The following TPM3 variants were observed in gnomAD, a reference collection of about 807,000 sequenced individuals.
The protein encoded by TPM3 is tropomyosin 3.
TPM3 carries 16 observed loss-of-function variants against 43.1 expected under a neutral mutation model. That is an observed-to-expected ratio of 0.37 (90% CI 0.25 to 0.56). TPM3 has a LOEUF of 0.56. TPM3 is among the 20% of genes least tolerant of loss of function. The pLI, the probability that TPM3 is intolerant of heterozygous loss-of-function variation, is 0.77. For missense variants in TPM3, 176 were observed against 337.2 expected (o/e 0.52, Z 3.74); for synonymous variants, 101 against 116.9 (o/e 0.86, Z 0.88).
intron 2 of TPM3, chr1:154,183,208 C>T (rs1041578154): frequency 5.1e-6 from 8 of 1,576,696 alleles, no homozygotes; most frequent in Non-Finnish European, 6.0e-6. Flanking sequence ...CCGCCTGCTA[C>T]GCCCTGAAAT....
chr1:154,182,687 C>T (rs1663093893), intron 2 of TPM3, among the ~76,000 whole-genome samples: 1 of 152,100 alleles, frequency 6.6e-6, no homozygotes, highest in South Asian at 2.1e-4. Context: ...CTCCCACGGC[C>T]GCGCCCGGAT....
chr1:154,174,640 G>A (rs1425661499), intron 3 of TPM3, among the ~76,000 whole-genome samples: 2 of 149,466 alleles, frequency 1.3e-5, no homozygotes, highest in Non-Finnish European at 3.0e-5. Context: ...GATTACAGGC[G>A]CGCCCCACCA....
chr1:154,174,909 C>T (rs1387919062), intron 3 of TPM3, among the ~76,000 whole-genome samples: 2 of 152,086 alleles, frequency 1.3e-5, no homozygotes, highest in Non-Finnish European at 2.9e-5. Flanking sequence ...TTCTGAAAAC[C>T]CTTAGTTGTC....
At chr1:154,172,102 C>T (rs1490479522) in intron 5 of TPM3, 14 of 1,613,896 alleles carry the variant, frequency 8.7e-6, no homozygotes, top group Admixed American at 5.0e-5. Context: ...CTCTCGGCAA[C>T]GGCTGTTAGT....
At chr1:154,185,532 A>G (rs1210886195) in intron 2 of TPM3, among the ~76,000 whole-genome samples, 7 of 150,778 alleles carry the variant, frequency 4.6e-5, no homozygotes, top group Non-Finnish European at 8.8e-5. Flanking sequence ...AAACCACAAA[A>G]ACAAGCAAAC....
Position 154,164,180 on chromosome 1 carries a change from T to G in TPM3, c.*3757A>C, listed in dbSNP as rs544052262. ...CCCCACCACTTTCCTACTCTTTTTT[T>G]GGGGGGGGTCTCATTCTGCCACCCA... On this transcript the variant is annotated 3_prime_UTR_variant, in exon 10 of 10. Transcript: ENST00000651641. Among the ~76,000 whole-genome samples the G allele has an allele frequency of 7.9e-5, 12 of 151,470 alleles. No homozygotes were observed. In the South Asian group the frequency reaches 8.4e-4, roughly 11 times the overall value.
intron 7 of TPM3, 85 bp from the exon 8 acceptor site, chr1:154,170,554 CT>C: frequency 1.3e-6 from 2 of 1,595,474 alleles, no homozygotes; most frequent in Non-Finnish European, 1.7e-6. Context: ...ACTTCTGGAC[CT>C]TTCAGAACCC....
At position 154,192,058 on chromosome 1, in the gene TPM3, G is replaced by A. The variant is rs757553921; in HGVS notation, c.-40C>T. 1.9e-6 allele frequency: 3 copies of A among 1,566,792 alleles called. No homozygotes were observed. In the African/African-American group the frequency reaches 4.1e-5, roughly 21 times the overall value. On this transcript the variant is annotated 5_prime_UTR_variant, in exon 1 of 10. Transcript: ENST00000651641. ...GGTAGGCTCACCTGTGAACACTGGA[G>A]AACTGGAGACTGGGGCAAGAAAGAA... is the stretch of plus-strand genomic sequence containing the variant.
chr1:154,178,736 C>G (rs1199239028), intron 2 of TPM3, among the ~76,000 whole-genome samples: 1 of 152,182 alleles, frequency 6.6e-6, no homozygotes, highest in Non-Finnish European at 1.5e-5. Context: ...TTTTAGCATG[C>G]CCATCCAGAT....
intron 2 of TPM3, among the ~76,000 whole-genome samples, chr1:154,181,473 T>C (rs754605533): frequency 5.3e-5 from 8 of 152,234 alleles, no homozygotes; most frequent in African/African-American, 9.6e-5. Context: ...TCTTGAATTT[T>C]AGCAACAGTT....
At chr1:154,169,243 G>T in intron 9 of TPM3, 62 bp downstream of exon 9, 1 of 1,518,642 alleles carries the variant, frequency 6.6e-7, no homozygotes, top group Non-Finnish European at 9.1e-7. Flanking sequence ...ACTATGCATA[G>T]CTTGTACCCC....
chr1:154,187,319 T>C, intron 2 of TPM3: 1 of 984,736 alleles, frequency 1.0e-6, no homozygotes, highest in South Asian at 4.7e-5. Context: ...CCACAGGTGG[T>C]AGTTTGCTGA....
At chr1:154,173,389 G>A (rs1344890481) in intron 3 of TPM3, among the ~76,000 whole-genome samples, 188 bp from the exon 4 acceptor site, 1 of 152,212 alleles carries the variant, frequency 6.6e-6, no homozygotes, top group Non-Finnish European at 1.5e-5. Context: ...TTATGGCTGG[G>A]CACAGTGGCT....
rs1335998070 is a variant in TPM3, at chr1:154,163,656, CAG to C, written c.*4279_*4280del. 2.6e-5 allele frequency among the ~76,000 whole-genome samples: 4 copies of C among 151,872 alleles called. No homozygotes were observed. Among genetic ancestry groups the C allele is most frequent in the Admixed American group, 2.6e-4 (4 of 15,238 alleles). Reference sequence around the variant, plus strand: ...CTCATTGTTTAATTTTTTTTTGAGACAGAGTCTTGCTCTGTCACCCAGGCTGG... The same window carrying C: ...CTCATTGTTTAATTTTTTTTTGAGACAGTCTTGCTCTGTCACCCAGGCTGG... On this transcript the variant is annotated 3_prime_UTR_variant, in exon 10 of 10. Coordinates refer to ENST00000651641, the MANE Select transcript of TPM3 (RefSeq NM_152263.4).
At chr1:154,160,393 A>G (rs909346803), downstream of TPM3, among the ~76,000 whole-genome samples, 1 of 152,240 alleles carries the variant, frequency 6.6e-6, no homozygotes, top group Non-Finnish European at 1.5e-5. Flanking sequence ...TTGACTGGGA[A>G]GCTAGAGACC....
intron 2 of TPM3, chr1:154,183,206 T>C: frequency 6.3e-7 from 1 of 1,578,634 alleles, no homozygotes; most frequent in Non-Finnish European, 8.5e-7. Context: ...TTCCGCCTGC[T>C]ACGCCCTGAA....
intron 5 of TPM3, 146 bp downstream of exon 5, chr1:154,172,762 G>A (rs1013871183): frequency 5.2e-6 from 5 of 969,542 alleles, no homozygotes; most frequent in African/African-American, 3.2e-5. Context: ...ACCATTCTTG[G>A]GCCTAAAAAA....
chr1:154,172,787 T>A lies in TPM3; in HGVS notation c.566+121A>T, dbSNP rs1661752067. 7.2e-6 allele frequency: 9 copies of A among 1,245,954 alleles called. No individual in the cohort carries two copies. In the South Asian group the frequency reaches 9.6e-5, roughly 13 times the overall value. 77.2% of individuals were successfully genotyped at this position (1,245,954 alleles called of 1,614,324 possible). A position where few individuals can be genotyped will look rare whatever the true frequency, so the allele number is the denominator to read the frequency against. Reference sequence around the variant, plus strand: ...GGCCTAAAAAAGCACTATAGATGACTCCCATTCCCTAGGCCCTGTTTAACA... The same window carrying A: ...GGCCTAAAAAAGCACTATAGATGACACCCATTCCCTAGGCCCTGTTTAACA... On this transcript the variant is annotated intron_variant, in intron 5 of 9. Coordinates refer to ENST00000651641, the MANE Select transcript of TPM3 (RefSeq NM_152263.4).
chr1:154,182,749 C>T (rs1571440655), intron 2 of TPM3, among the ~76,000 whole-genome samples: 1 of 152,058 alleles, frequency 6.6e-6, no homozygotes, highest in Admixed American at 6.5e-5. Context: ...AAAGCCACAC[C>T]CCAAACCCCG....
Sources: gnomAD v4.1 joint callset for allele counts (sites outside exome capture counted in the v4.1 genomes callset) on GRCh38, gnomAD v4.1.1 for gene constraint, MANE v1.5 for transcripts, NCBI Gene and HGNC (gene_info 2026-07-23, HGNC 2026-07-21) for gene names.